NCOA6: variants seen among roughly 807,000 people sequenced by gnomAD.
NCOA6 encodes the protein NRC RAP250.
Under a neutral mutation model 171.4 loss-of-function variants are expected in NCOA6, and 49 were observed. The ratio of observed to expected loss-of-function variants is 0.29; its 90% CI spans 0.23 to 0.36. NCOA6 has a LOEUF of 0.36. Ranked by LOEUF, NCOA6 falls within the 10% of genes least tolerant of loss-of-function variation. The pLI, the probability that NCOA6 is intolerant of heterozygous loss-of-function variation, is 1.00. For synonymous variants in NCOA6, 910 were observed against 927.5 expected (o/e 0.98, Z 0.34); for missense variants, 2,248 against 2,554.5 (o/e 0.88, Z 2.59).
At chr20:34,747,387 C>T (rs1395005276) in intron 9 of NCOA6, among the ~76,000 whole-genome samples, 1 of 152,108 alleles carries the variant, frequency 6.6e-6, no homozygotes, top group Non-Finnish European at 1.5e-5. Context: ...TATAGGTTGG[C>T]TGATGGTATT....
At chr20:34,769,257 C>CAT (rs2077067812) in intron 4 of NCOA6, among the ~76,000 whole-genome samples, 1 of 152,130 alleles carries the variant, frequency 6.6e-6, no homozygotes, top group Non-Finnish European at 1.5e-5. Context: ...GTGGCACAGT[C>CAT]ATATAGCTCA....
chr20:34,821,656 C>T (rs529579530), intron 1 of NCOA6: 2 of 150,796 alleles, frequency 1.3e-5, no homozygotes, highest in East Asian at 1.9e-4. Context: ...GGTGCGATCT[C>T]GGCTCACTGC....
At chr20:34,756,145 T>C (rs1001744315) in intron 7 of NCOA6, among the ~76,000 whole-genome samples, 6 of 152,232 alleles carry the variant, frequency 3.9e-5, no homozygotes, top group African/African-American at 1.4e-4. Context: ...ATGCTCCCAC[T>C]GTAATTAAAT....
In NCOA6 at chr20:34,808,111, C is replaced by T. The variant is rs574914264; in HGVS notation, c.-163-15548G>A. Reference sequence around the variant, plus strand: ...GTTGCAGTGAGCCAAGATGGTGCCACTGCACTGCAGCCTGGTAACAGAGCG... The same window carrying T: ...GTTGCAGTGAGCCAAGATGGTGCCATTGCACTGCAGCCTGGTAACAGAGCG... On this transcript the variant is annotated intron_variant, in intron 1 of 14. Transcript: ENST00000359003. Among the ~76,000 whole-genome samples, 433 of 151,542 alleles carry T rather than the reference C, an allele frequency of 2.9e-3. 1 individual carries two copies. The highest frequency in any genetic ancestry group is 7.3e-3 in the South Asian group (35 of 4,802).
At chr20:34,715,713 T>G (rs1382208650) in intron 14 of NCOA6, among the ~76,000 whole-genome samples, 1 of 152,170 alleles carries the variant, frequency 6.6e-6, no homozygotes, top group Admixed American at 6.5e-5. Flanking sequence ...AGACTGACAA[T>G]GCTTTTGGTG....
rs1365513925 is a variant in NCOA6 at position 34,742,898 on chromosome 20, T to G, written c.3358A>C (p.Asn1120His). Reference sequence around the variant, plus strand: ...TCCGCCAGTGGCGAGCTGGAAGGATTCTGCGGGCTCTCCTGATAGACCATT... The same window carrying G: ...TCCGCCAGTGGCGAGCTGGAAGGATGCTGCGGGCTCTCCTGATAGACCATT... ...RKMVYQESPQ[N>H]PSSSPLAEMA... Residue 1120 changes from asparagine to histidine, a missense_variant, in exon 11 of 15, where the codon AAT becomes CAT. This residue lies in a region of NCOA6 where 352 missense variants were observed against 419.1 expected (regional missense o/e 0.84). Transcript: ENST00000359003. 4 of 1,614,094 alleles carry G rather than the reference T, an allele frequency of 2.5e-6. No homozygotes were observed. Among genetic ancestry groups the G allele is most frequent in the African/African-American group, 2.7e-5 (2 of 74,922 alleles).
chr20:34,792,098 C>A (rs2077904848), intron 2 of NCOA6, among the ~76,000 whole-genome samples: 2 of 152,140 alleles, frequency 1.3e-5, no homozygotes, highest in Non-Finnish European at 2.9e-5. Flanking sequence ...GAGTTTGCAA[C>A]TTTCAACATA....
At chr20:34,817,923 C>A (rs2078894685) in intron 1 of NCOA6, among the ~76,000 whole-genome samples, 1 of 152,174 alleles carries the variant, frequency 6.6e-6, no homozygotes. Flanking sequence ...CCTAGTCAAT[C>A]AAGTTCAAAC....
At chr20:34,796,432 C>A (rs942094786) in intron 1 of NCOA6, among the ~76,000 whole-genome samples, 1 of 151,908 alleles carries the variant, frequency 6.6e-6, no homozygotes, top group Non-Finnish European at 1.5e-5. Context: ...TCAGCCTGGG[C>A]AACATGGTGA....
At chr20:34,737,705 A>C (rs1444892246) in intron 11 of NCOA6, among the ~76,000 whole-genome samples, 1 of 152,248 alleles carries the variant, frequency 6.6e-6, no homozygotes, top group African/African-American at 2.4e-5. Flanking sequence ...ATCTCAGTCT[A>C]AAATCCTAGA....
chr20:34,729,284 T>C (rs2145338384), intron 13 of NCOA6, among the ~76,000 whole-genome samples: 1 of 152,270 alleles, frequency 6.6e-6, no homozygotes, highest in East Asian at 1.9e-4. Context: ...TATATTTGGG[T>C]GCACACTGTG....
At chr20:34,780,336 A>C (rs1485021595) in intron 3 of NCOA6, among the ~76,000 whole-genome samples, 3 of 152,114 alleles carry the variant, frequency 2.0e-5, no homozygotes, top group Admixed American at 6.6e-5. Flanking sequence ...TAGCACCATA[A>C]ATCTAGAGTT....
At chr20:34,779,783 T>C (rs963385437) in intron 3 of NCOA6, among the ~76,000 whole-genome samples, 2 of 152,158 alleles carry the variant, frequency 1.3e-5, no homozygotes, top group Admixed American at 6.5e-5. Flanking sequence ...TCTTAAACCA[T>C]TGTACATTGA....
intron 1 of NCOA6, among the ~76,000 whole-genome samples, chr20:34,798,790 G>A (rs1309934783): frequency 6.6e-6 from 1 of 152,178 alleles, no homozygotes; most frequent in Non-Finnish European, 1.5e-5. Flanking sequence ...ACCTAATGTA[G>A]ATACAAATGC....
intron 2 of NCOA6, among the ~76,000 whole-genome samples, chr20:34,788,216 C>A (rs890813043): frequency 6.7e-6 from 1 of 150,354 alleles, no homozygotes; most frequent in Non-Finnish European, 1.5e-5. Context: ...CTCTGTCTCG[C>A]CCAGGCTGGA....
chr20:34,725,304 G>A (rs1354907361), intron 14 of NCOA6, among the ~76,000 whole-genome samples: 1 of 152,162 alleles, frequency 6.6e-6, no homozygotes, highest in Non-Finnish European at 1.5e-5. Flanking sequence ...TCACAAACTG[G>A]CATAGTTATA....
intron 5 of NCOA6, among the ~76,000 whole-genome samples, chr20:34,762,851 C>T (rs2145887415): frequency 6.6e-6 from 1 of 152,258 alleles, no homozygotes; most frequent in East Asian, 1.9e-4. Flanking sequence ...CTTTGAAAAG[C>T]TCTTTATTTC....
intron 7 of NCOA6, among the ~76,000 whole-genome samples, chr20:34,756,880 G>C (rs940701593): frequency 1.1e-4 from 17 of 152,026 alleles, no homozygotes; most frequent in African/African-American, 4.1e-4. Context: ...TAATTTTTCA[G>C]CAACTGAGAA....
In NCOA6 at chr20:34,754,759, G is replaced by T; in HGVS notation, c.1638C>A (p.Ala546=). The change falls in exon 8 of 15, where the codon GCC becomes GCA. Residue 546 remains alanine, a synonymous_variant. Coordinates refer to ENST00000359003, the MANE Select transcript of NCOA6 (RefSeq NM_014071.5). ...CATTTTGATTTGCTTGCAGCTGAGG[G>T]GCTCCTGAATTCCCAGGGGTGGTTG... ...TTATTPGNSG[A]PQLQANQNVQ... The T allele has an allele frequency of 6.2e-7, 1 of 1,614,158 alleles. No homozygotes were observed. Among genetic ancestry groups the T allele is most frequent in the East Asian group, 2.2e-5 (1 of 44,882 alleles).
Sources: gnomAD v4.1 joint callset for allele counts (sites outside exome capture counted in the v4.1 genomes callset) on GRCh38, gnomAD v4.1.1 for gene constraint, gnomAD v4.1.1 regional missense constraint, MANE v1.5 for transcripts, NCBI Gene and HGNC (gene_info 2026-07-23, HGNC 2026-07-21) for gene names.